SYNE1: variants seen among roughly 807,000 people sequenced by gnomAD.
SYNE1 encodes spectrin repeat containing nuclear envelope protein 1.
In SYNE1, 616 loss-of-function variants were observed where a neutral mutation model predicts 1,111.0. The observed-to-expected ratio is 0.55, with a 90% CI of 0.52 to 0.59. The LOEUF is 0.59. SYNE1 is among the 20% of genes least tolerant of loss of function. The probability of loss-of-function intolerance (pLI) is 0.00; values close to 1 mark genes in which losing one functional copy is unlikely to be tolerated. For missense variants in SYNE1, 10,006 were observed against 10,417.0 expected (o/e 0.96, Z 1.72); for synonymous variants, 3,855 against 3,825.8 (o/e 1.01, Z -0.28).
chr6:152,571,603 A>C (rs818442), intron 3 of SYNE1, among the ~76,000 whole-genome samples: 63,668 of 151,922 alleles, frequency 0.42, 13,593 homozygotes, highest in Non-Finnish European at 0.45. Context: ...ATGCAAATTA[A>C]CTTCTTGTCA....
intron 130 of SYNE1, chr6:152,167,588 A>C: frequency 2.7e-6 from 1 of 366,522 alleles, no homozygotes; most frequent in South Asian, 2.2e-5. Flanking sequence ...TATAAGCTTC[A>C]TATTAGGGAC....
intron 32 of SYNE1, among the ~76,000 whole-genome samples, chr6:152,439,038 C>T (rs929260588): frequency 2.6e-5 from 4 of 152,236 alleles, no homozygotes; most frequent in East Asian, 3.9e-4. Flanking sequence ...TCATATAACA[C>T]GATTGATAAT....
Position 152,302,082 on chromosome 6 carries a change from C to T in SYNE1, c.17347-19G>A. On this transcript the variant is annotated intron_variant, in intron 91 of 145. Coordinates refer to ENST00000367255, the MANE Select transcript of SYNE1 (RefSeq NM_182961.4). Reference sequence around the variant, plus strand: ...CCAGCTCCTGAGGAAACATTTCCCCCACCGGGGTGTCAGAGCAGCATCAAA... The same window carrying T: ...CCAGCTCCTGAGGAAACATTTCCCCTACCGGGGTGTCAGAGCAGCATCAAA... The T allele has an allele frequency of 6.2e-7, 1 of 1,614,178 alleles. No individual in the cohort carries two copies.
intron 4 of SYNE1, among the ~76,000 whole-genome samples, chr6:152,531,897 C>T (rs1001823566): frequency 3.9e-5 from 6 of 152,256 alleles, no homozygotes; most frequent in East Asian, 3.9e-4. Context: ...ATCCATTCAT[C>T]CATCAATGGG....
At chr6:152,574,479 C>T (rs1001810469) in intron 3 of SYNE1, among the ~76,000 whole-genome samples, 2 of 152,026 alleles carry the variant, frequency 1.3e-5, no homozygotes, top group South Asian at 4.1e-4. Flanking sequence ...ACTGGGATGC[C>T]CTTCCTCCTC....
intron 11 of SYNE1, among the ~76,000 whole-genome samples, chr6:152,490,631 C>T (rs1298893906): frequency 6.6e-6 from 1 of 151,910 alleles, no homozygotes; most frequent in East Asian, 1.9e-4. Context: ...TATAAAACTG[C>T]CCCACCCCTA....
At chr6:152,297,781 CTGTGTGTGTGTG>C (rs377152081) in intron 93 of SYNE1, among the ~76,000 whole-genome samples, 37 of 119,864 alleles carry the variant, frequency 3.1e-4, no homozygotes, top group East Asian at 9.1e-4. Context: ...CAGTCTCACT[CTGTGTGTGTGTG>C]TGTGTGTGTG....
At chr6:152,396,182 G>A (rs551900) in intron 50 of SYNE1, among the ~76,000 whole-genome samples, 59,680 of 152,042 alleles carry the variant, frequency 0.39, 12,194 homozygotes, top group East Asian at 0.76. Context: ...CTGTGTCTTT[G>A]TTTCTTAAGG....
intron 3 of SYNE1, among the ~76,000 whole-genome samples, chr6:152,542,575 T>G (rs907499489): frequency 6.6e-6 from 1 of 152,054 alleles, no homozygotes; most frequent in Admixed American, 6.6e-5. Flanking sequence ...TAATGCCCAT[T>G]TTACATATAA....
chr6:152,434,616 T>C (rs1225620682), intron 33 of SYNE1: 1 of 152,204 alleles, frequency 6.6e-6, no homozygotes, highest in African/African-American at 2.4e-5. Context: ...ATAGGTTTTA[T>C]TTGTAACAAA....
In SYNE1 at chr6:152,331,008, C is replaced by A. The variant is rs1333195022; in HGVS notation, c.13677G>T (p.Lys4559Asn). The change falls in exon 78 of 146, where the codon AAG (lysine) becomes AAT (asparagine). Residue 4559 changes from lysine (K) to asparagine (N), a missense_variant. Around this residue, in one of 7 missense-constraint regions of SYNE1, gnomAD observed 4,955 missense variants for 5,017.2 expected, o/e 0.99. Transcript: ENST00000367255. ...TAAAATGCTTCCTAGAAACCAAATT[C>A]TTCTCTAGTTCTTGTAACCGGTGAC... ...KCSHRLQELE[K>N]NLVSRKHFKE... 1 of 1,614,128 alleles carries A rather than the reference C, an allele frequency of 6.2e-7. No homozygotes were observed. Among genetic ancestry groups the A allele is most frequent in the Non-Finnish European group, 8.5e-7 (1 of 1,180,026 alleles).
intron 105 of SYNE1, among the ~76,000 whole-genome samples, chr6:152,248,671 T>C (rs758195767): frequency 3.9e-5 from 6 of 152,204 alleles, no homozygotes; most frequent in Non-Finnish European, 4.4e-5. Flanking sequence ...CAGAATTCTC[T>C]AACAATTTGT....
Position 152,350,617 on chromosome 6 carries a change from C to T in SYNE1, c.11733+1G>A. 6.2e-7 allele frequency: 1 copy of T among 1,614,156 alleles called. No homozygotes were observed. Among genetic ancestry groups the T allele is most frequent in the Admixed American group, 1.7e-5 (1 of 60,014 alleles). On this transcript the variant is annotated splice_donor_variant, in intron 71 of 145. Transcript: ENST00000367255. LOFTEE classifies it high-confidence loss of function. ...TTACGGAGTCTTTCATCTCTCCTTA[C>T]CTTTCCTATGCTGCACAGGTCCTGG... is the stretch of plus-strand genomic sequence containing the variant.
chr6:152,380,981 A>G, intron 56 of SYNE1, 25 bp downstream of exon 56: 3 of 1,606,654 alleles, frequency 1.9e-6, no homozygotes, highest in Non-Finnish European at 2.6e-6. Flanking sequence ...CATAACCACC[A>G]ATAGAAAACA....
intron 64 of SYNE1, among the ~76,000 whole-genome samples, chr6:152,360,027 A>G (rs186341134): frequency 1.3e-4 from 20 of 152,314 alleles, no homozygotes; most frequent in African/African-American, 4.6e-4. Flanking sequence ...TGGACTTTGC[A>G]GTGGTATCCC....
At chr6:152,408,089 C>T (rs74946382) in intron 44 of SYNE1, among the ~76,000 whole-genome samples, 2 of 152,072 alleles carry the variant, frequency 1.3e-5, no homozygotes, top group Non-Finnish European at 1.5e-5. Flanking sequence ...AAAGTGGAAG[C>T]ATGTAGGGTT....
In SYNE1 at chr6:152,350,660, A is replaced by G. The variant is rs794727886; in HGVS notation, c.11691T>C (p.Asp3897=). The part of the protein sequence containing the change: ...VQDVTLKDKI[D]QLQSDYQDLC... ...GGTCCTGGTAATCACTTTGAAGTTGATCTATTTTGTCCTTTAAAGTGACGT... is the reference window on the plus strand; with the variant it reads ...GGTCCTGGTAATCACTTTGAAGTTGGTCTATTTTGTCCTTTAAAGTGACGT... The change falls in exon 71 of 146, where the codon GAT becomes GAC. Residue 3897 remains aspartate, a synonymous_variant. Transcript: ENST00000367255. The G allele has an allele frequency of 5.5e-5, 89 of 1,613,992 alleles. No individual in the cohort carries two copies. The highest frequency in any genetic ancestry group is 7.5e-5 in the Non-Finnish European group (88 of 1,179,998).
intron 73 of SYNE1, among the ~76,000 whole-genome samples, chr6:152,346,603 G>C (rs1760389384): frequency 6.6e-6 from 1 of 151,752 alleles, no homozygotes; most frequent in South Asian, 2.1e-4. Context: ...GAGGTCAGGA[G>C]ATCGAAACCA....
intron 4 of SYNE1, among the ~76,000 whole-genome samples, chr6:152,536,377 A>AT (rs1491581863): frequency 1.2e-5 from 1 of 83,286 alleles, no homozygotes; most frequent in African/African-American, 3.5e-5. Flanking sequence ...TATATATAGT[A>AT]ATATATATAT....
Sources: allele counts gnomAD v4.1 joint callset (sites outside exome capture counted in the v4.1 genomes callset), GRCh38; gene constraint gnomAD v4.1.1; regional missense constraint gnomAD v4.1.1; transcripts MANE v1.5; gene names NCBI Gene and HGNC (gene_info 2026-07-23, HGNC 2026-07-21).